Variants in RAPGEF4 observed in about 807,000 individuals in gnomAD.
RAPGEF4 encodes the protein RAP guanine-nucleotide-exchange factor (GEF) 4.
A neutral mutation model predicts 147.9 loss-of-function variants in RAPGEF4; 66 were observed. The observed-to-expected ratio is 0.45, with a 90% CI of 0.37 to 0.55. RAPGEF4 has a LOEUF of 0.55. Among genes scored for constraint, RAPGEF4 ranks in the 20% least tolerant of loss-of-function variants. RAPGEF4 has a pLI of 0.00. For missense variants in RAPGEF4, 1,071 were observed against 1,257.3 expected, an observed-to-expected ratio of 0.85 and a Z score of 2.24; for synonymous variants, 419 against 442.7, an observed-to-expected ratio of 0.95 and a Z score of 0.67.
At chr2:172,799,915 G>A (rs1164607196) in intron 3 of RAPGEF4, among the ~76,000 whole-genome samples, 1 of 152,158 alleles carries the variant, frequency 6.6e-6, no homozygotes, top group Non-Finnish European at 1.5e-5. Context: ...TATCTGGCCA[G>A]GGGTTTCGGG....
At chr2:172,747,246 G>A (rs138780098) in intron 1 of RAPGEF4, among the ~76,000 whole-genome samples, 3 of 152,234 alleles carry the variant, frequency 2.0e-5, no homozygotes, top group African/African-American at 7.2e-5. Flanking sequence ...ACTTTAAGAT[G>A]TATGACTTGT....
chr2:172,849,215 T>A (rs1011272028), intron 4 of RAPGEF4, among the ~76,000 whole-genome samples: 1 of 152,172 alleles, frequency 6.6e-6, no homozygotes, highest in Non-Finnish European at 1.5e-5. Flanking sequence ...TGCCAAAACC[T>A]TAGAAACTGA....
chr2:172,809,513 G>A (rs1687820911), intron 3 of RAPGEF4, among the ~76,000 whole-genome samples: 1 of 152,126 alleles, frequency 6.6e-6, no homozygotes. Context: ...ATCAGAGTGG[G>A]AAAAGCAGAA....
rs574992904 is a variant in RAPGEF4 at position 173,036,357 on chromosome 2, T to C, written c.2788+145T>C. 99 of 721,842 alleles carry C rather than the reference T, an allele frequency of 1.4e-4. 1 individual carries two copies. The East Asian group carries it at 2.7e-3, about 20-fold the overall frequency. 44.7% of individuals were successfully genotyped at this position (721,842 alleles called of 1,614,324 possible). ...TTTGTCATCTCCTCTCAGTCCTGAC[T>C]GTTCAGAAAGGGTCAGAAAGATGAC... On this transcript the variant is annotated intron_variant, in intron 28 of 30. Transcript: ENST00000397081.
intron 5 of RAPGEF4, among the ~76,000 whole-genome samples, chr2:172,919,343 A>G (rs1684458582): frequency 6.6e-6 from 1 of 151,970 alleles, no homozygotes; most frequent in Admixed American, 6.6e-5. Flanking sequence ...CAAAGTCTGG[A>G]TTTTGCCCCA....
At chr2:172,954,922 A>G (rs1688578783) in intron 6 of RAPGEF4, among the ~76,000 whole-genome samples, 1 of 152,158 alleles carries the variant, frequency 6.6e-6, no homozygotes, top group African/African-American at 2.4e-5. Context: ...CCAAGAGCCC[A>G]TTTTGGCCAG....
At chr2:173,043,008 A>T (rs1265295417) in intron 29 of RAPGEF4, among the ~76,000 whole-genome samples, 1 of 152,174 alleles carries the variant, frequency 6.6e-6, no homozygotes, top group Non-Finnish European at 1.5e-5. Context: ...GTTCAGCTTC[A>T]ATTCCCTTTT....
At chr2:172,984,902 C>T (rs573993956) in intron 11 of RAPGEF4, among the ~76,000 whole-genome samples, 4 of 151,546 alleles carry the variant, frequency 2.6e-5, no homozygotes, top group African/African-American at 4.8e-5. Flanking sequence ...GATTTGGGAC[C>T]GTAATTTGGA....
At chr2:172,844,338 TG>T (rs1267808426) in intron 4 of RAPGEF4, among the ~76,000 whole-genome samples, 1 of 152,140 alleles carries the variant, frequency 6.6e-6, no homozygotes. Context: ...CGGCCTCTGG[TG>T]GCTTTCAGGT....
rs1448758147 is a variant in RAPGEF4 at position 173,042,976 on chromosome 2, A to G, written c.2854-5624A>G. Reference sequence around the variant, plus strand: ...AGACCGGACTCAGGGCTCCTCCTCAATGATGCACACAGTGAAGGCTAGTTC... The same window carrying G: ...AGACCGGACTCAGGGCTCCTCCTCAGTGATGCACACAGTGAAGGCTAGTTC... On this transcript the variant is annotated intron_variant, in intron 29 of 30. Transcript: ENST00000397081. This position sits in a 1 kb window ranked among gnomAD's most constrained non-coding sequence, Gnocchi z 4.2. Among the ~76,000 whole-genome samples, 1 of 152,216 alleles carries G rather than the reference A, an allele frequency of 6.6e-6. No individual in the cohort carries two copies. Among genetic ancestry groups the G allele is most frequent in the Non-Finnish European group, 1.5e-5 (1 of 68,032 alleles).
chr2:172,761,079 G>C (rs937954646), intron 1 of RAPGEF4, among the ~76,000 whole-genome samples: 2 of 149,912 alleles, frequency 1.3e-5, no homozygotes, highest in African/African-American at 4.9e-5. Flanking sequence ...ATGGAGCCCA[G>C]AATGAAGTGG....
intron 1 of RAPGEF4, among the ~76,000 whole-genome samples, chr2:172,785,335 T>G (rs978381878): frequency 1.3e-5 from 2 of 152,202 alleles, no homozygotes; most frequent in African/African-American, 2.4e-5. Flanking sequence ...AAAATTTTAG[T>G]ATATGTTTTT....
intron 10 of RAPGEF4, among the ~76,000 whole-genome samples, chr2:172,972,814 G>A (rs891692343): frequency 4.6e-5 from 7 of 152,012 alleles, no homozygotes; most frequent in African/African-American, 7.3e-5. Context: ...TGCTAAAGTC[G>A]ATCTCTTTAT....
chr2:173,006,160 A>G (rs1430055287), intron 17 of RAPGEF4, among the ~76,000 whole-genome samples: 1 of 152,232 alleles, frequency 6.6e-6, no homozygotes, highest in Non-Finnish European at 1.5e-5. Flanking sequence ...AGCAGCAGCT[A>G]TCTTACAACC....
At chr2:172,943,580 C>G (rs961756958) in intron 6 of RAPGEF4, among the ~76,000 whole-genome samples, 7 of 152,184 alleles carry the variant, frequency 4.6e-5, no homozygotes, top group Non-Finnish European at 8.8e-5. Flanking sequence ...GAGAAATCCA[C>G]AAACCTTCCT....
intron 29 of RAPGEF4, among the ~76,000 whole-genome samples, chr2:173,044,707 G>A (rs1204796827): frequency 6.6e-6 from 1 of 152,114 alleles, no homozygotes; most frequent in Admixed American, 6.5e-5. Context: ...CGTGGCGACA[G>A]GGGGGTTCAA....
At chr2:172,955,794 G>A (rs111471950) in intron 6 of RAPGEF4, among the ~76,000 whole-genome samples, 2,368 of 152,254 alleles carry the variant, frequency 0.016, 65 homozygotes, top group African/African-American at 0.054. Context: ...AAGAGTATCC[G>A]GGAGGATATG....
At chr2:172,763,246 G>A (rs541619449) in intron 1 of RAPGEF4, among the ~76,000 whole-genome samples, 1 of 152,234 alleles carries the variant, frequency 6.6e-6, no homozygotes, top group East Asian at 1.9e-4. Context: ...AGTCATACAG[G>A]AATAAGGAAA....
intron 1 of RAPGEF4, among the ~76,000 whole-genome samples, chr2:172,743,273 G>C (rs1694461434): frequency 6.6e-6 from 1 of 152,144 alleles, no homozygotes; most frequent in Non-Finnish European, 1.5e-5. Flanking sequence ...GACAGCGAGA[G>C]ATCCAGCTGA....
Sources: gnomAD v4.1 joint callset for allele counts (sites outside exome capture counted in the v4.1 genomes callset) on GRCh38, gnomAD v4.1.1 for gene constraint, Gnocchi (gnomAD v3.1) non-coding constraint, MANE v1.5 for transcripts, NCBI Gene and HGNC (gene_info 2026-07-23, HGNC 2026-07-21) for gene names.